Variants in TLN2 observed in about 807,000 individuals in gnomAD.
TLN2 encodes the protein talin 2, also known as talin-2.
A neutral mutation model predicts 294.7 loss-of-function variants in TLN2; 118 were observed. The observed-to-expected ratio is 0.40, with a 90% CI of 0.34 to 0.47. TLN2 has a LOEUF of 0.47. Among genes scored for constraint, TLN2 ranks in the 20% least tolerant of loss-of-function variants. The pLI is 0.84. For synonymous variants in TLN2, 1,431 were observed against 1,304.5 expected, an observed-to-expected ratio of 1.10 and a Z score of -2.09; for missense variants, 3,083 against 3,282.2, an observed-to-expected ratio of 0.94 and a Z score of 1.48.
intron 1 of TLN2, among the ~76,000 whole-genome samples, chr15:62,468,626 T>C (rs1263334984): frequency 1.3e-5 from 2 of 151,912 alleles, no homozygotes; most frequent in African/African-American, 2.4e-5. Context: ...GCGCCTGTAG[T>C]CCCAGCTACT....
At chr15:62,679,492 C>G (rs1433960950) in intron 11 of TLN2, among the ~76,000 whole-genome samples, 2 of 152,162 alleles carry the variant, frequency 1.3e-5, no homozygotes, top group Admixed American at 1.3e-4. Context: ...AAATGTTACG[C>G]TAAGTGAAAG....
chr15:62,526,774 T>G (rs1020976150), intron 1 of TLN2, among the ~76,000 whole-genome samples: 4 of 152,234 alleles, frequency 2.6e-5, no homozygotes, highest in Non-Finnish European at 4.4e-5. Context: ...TGGGAAATAT[T>G]CTTTATTTCC....
rs748171419 is a variant in TLN2 at position 62,649,326 on chromosome 15, A to AT, written c.137-757dup. On this transcript the variant is annotated intron_variant, in intron 4 of 58. Coordinates refer to ENST00000636159, the MANE Select transcript of TLN2 (RefSeq NM_015059.3). Reference sequence around the variant, plus strand: ...GGTGGGGGTGGGGAGCTTGATTGCTATATAGTGCTGGTGAAGGTATAAACC... The same window carrying AT: ...GGTGGGGGTGGGGAGCTTGATTGCTATTATAGTGCTGGTGAAGGTATAAACC... Among the ~76,000 whole-genome samples the AT allele has an allele frequency of 4.0e-5, 6 of 150,834 alleles. No individual in the cohort carries two copies. The East Asian group carries it at 1.2e-3, about 30-fold the overall frequency.
intron 11 of TLN2, chr15:62,682,958 GT>G (rs1277858606): frequency 6.6e-6 from 1 of 152,220 alleles, no homozygotes; most frequent in African/African-American, 2.4e-5. Flanking sequence ...AGAATCCCAA[GT>G]TCAGTCAAAA....
At chr15:62,577,241 C>T (rs562945055) in intron 1 of TLN2, among the ~76,000 whole-genome samples, 55 of 152,170 alleles carry the variant, frequency 3.6e-4, no homozygotes, top group African/African-American at 1.1e-3. Context: ...GTCGGGCATT[C>T]GAGACCAGCC....
chr15:62,426,811 G>A (rs1388772514), intron 1 of TLN2, among the ~76,000 whole-genome samples: 2 of 152,148 alleles, frequency 1.3e-5, no homozygotes, highest in Admixed American at 1.3e-4. Flanking sequence ...GCTCTCCAGG[G>A]GCTGAGATTC....
intron 54 of TLN2, chr15:62,828,477 T>G (rs897730443): frequency 6.6e-6 from 1 of 152,214 alleles, no homozygotes; most frequent in Non-Finnish European, 1.5e-5. Flanking sequence ...TGTTCACTCT[T>G]TTTCCCAGTG....
At chr15:62,516,456 T>C (rs537912606) in intron 1 of TLN2, among the ~76,000 whole-genome samples, 1 of 152,362 alleles carries the variant, frequency 6.6e-6, no homozygotes, top group East Asian at 1.9e-4. Flanking sequence ...TTCTACATTT[T>C]ACTCTATTTG....
At chr15:62,548,624 T>G (rs753007289) in intron 1 of TLN2, among the ~76,000 whole-genome samples, 3 of 152,156 alleles carry the variant, frequency 2.0e-5, no homozygotes, top group Non-Finnish European at 4.4e-5. Context: ...CTAACTAACA[T>G]GGCAGCCAGG....
rs1251999480 is a variant in TLN2, at chr15:62,717,612, A to T, written c.2800A>T (p.Thr934Ser). The T allele has an allele frequency of 6.2e-7, 1 of 1,602,170 alleles. No individual in the cohort carries two copies. Among genetic ancestry groups the T allele is most frequent in the African/African-American group, 1.3e-5 (1 of 74,792 alleles). ...GCAGGCCGCAGCGGCAGCCACACAG[A>T]CCATCGCCGCCTCCCAGAATGCAGC... Reference protein sequence around the residue: ...AKQAAAAATQTIAASQNAAVS... With the variant: ...AKQAAAAATQSIAASQNAAVS... Residue 934 changes from threonine (T) to serine (S), a missense_variant, in exon 24 of 59, where the codon ACC becomes TCC. Coordinates refer to ENST00000636159, the MANE Select transcript of TLN2 (RefSeq NM_015059.3).
At chr15:62,627,677 GTATT>G (rs2049402124) in intron 3 of TLN2, among the ~76,000 whole-genome samples, 1 of 152,128 alleles carries the variant, frequency 6.6e-6, no homozygotes, top group South Asian at 2.1e-4. Flanking sequence ...AGAATTACCT[GTATT>G]TATTTGAGTT....
At chr15:62,564,279 G>C (rs1342131799) in intron 1 of TLN2, among the ~76,000 whole-genome samples, 1 of 152,196 alleles carries the variant, frequency 6.6e-6, no homozygotes, top group African/African-American at 2.4e-5. Context: ...GCAAGACAGA[G>C]TCCTGGAGAC....
At chr15:62,699,011 C>T (rs9630428) in intron 16 of TLN2, 144 bp downstream of exon 16, 415,042 of 766,110 alleles carry the variant, frequency 0.54, 119,008 homozygotes, top group Middle Eastern at 0.64. Flanking sequence ...TGAGTCTTTG[C>T]CTCTCAGTTG....
At chr15:62,703,364 T>C (rs1595721577) in intron 19 of TLN2, among the ~76,000 whole-genome samples, 1 of 152,052 alleles carries the variant, frequency 6.6e-6, no homozygotes, top group East Asian at 1.9e-4. Flanking sequence ...CCTCCCAAAG[T>C]GCTGGGATTA....
chr15:62,597,786 T>C (rs1487987004), intron 2 of TLN2, among the ~76,000 whole-genome samples: 1 of 152,260 alleles, frequency 6.6e-6, no homozygotes, highest in East Asian at 1.9e-4. Context: ...ATGAAGTTTA[T>C]TTATGTTTTA....
Position 62,702,206 on chromosome 15 carries a change from C to T in TLN2, c.1905+6C>T. On this transcript the variant is annotated splice_donor_region_variant and intron_variant, in intron 18 of 58. Coordinates refer to ENST00000636159, the MANE Select transcript of TLN2 (RefSeq NM_015059.3). ...TGCAGCCTACTTCTGGAGAGGTAAG[C>T]TCCAGAGGCAAGCAATCACTCAGGT... 6.3e-7 allele frequency: 1 copy of T among 1,578,930 alleles called. No homozygotes were observed.
At chr15:62,531,603 GC>G (rs1220569671) in intron 1 of TLN2, among the ~76,000 whole-genome samples, 1 of 152,120 alleles carries the variant, frequency 6.6e-6, no homozygotes, top group Non-Finnish European at 1.5e-5. Flanking sequence ...GAATATGTTA[GC>G]CTGATTTAAT....
At chr15:62,540,761 AG>A (rs1172798551) in intron 1 of TLN2, among the ~76,000 whole-genome samples, 1 of 152,132 alleles carries the variant, frequency 6.6e-6, no homozygotes, top group Admixed American at 6.5e-5. Context: ...GGCCTTAGTC[AG>A]GGGATTCACT....
intron 1 of TLN2, among the ~76,000 whole-genome samples, chr15:62,463,890 C>G (rs2036959817): frequency 6.6e-6 from 1 of 151,822 alleles, no homozygotes; most frequent in African/African-American, 2.4e-5. Context: ...CTGTCTCAAA[C>G]AAACAAACAA....
Sources: allele counts gnomAD v4.1 joint callset (sites outside exome capture counted in the v4.1 genomes callset), GRCh38; gene constraint gnomAD v4.1.1; transcripts MANE v1.5; gene names NCBI Gene and HGNC (gene_info 2026-07-23, HGNC 2026-07-21).